Variants in TLN2 observed in about 807,000 individuals in gnomAD.
TLN2 encodes talin-2.
A neutral mutation model predicts 294.7 loss-of-function variants in TLN2; 118 were observed. The observed-to-expected ratio is 0.40, with a 90% confidence interval of 0.34 to 0.47. TLN2 has a LOEUF of 0.47. Ranked by LOEUF, TLN2 falls within the 20% of genes least tolerant of loss-of-function variation. The pLI, the probability that TLN2 is intolerant of heterozygous loss-of-function variation, is 0.84. For synonymous variants in TLN2, 1,431 were observed against 1,304.5 expected, an observed-to-expected ratio of 1.10 and a Z score of -2.09; for missense variants, 3,083 against 3,282.2, an observed-to-expected ratio of 0.94 and a Z score of 1.48.
At chr15:62,465,104 G>GTTTTTTT (rs57890839) in intron 1 of TLN2, among the ~76,000 whole-genome samples, 2 of 85,514 alleles carry the variant, frequency 2.3e-5, no homozygotes, top group East Asian at 4.1e-4. Flanking sequence ...TGGTGAGCGC[G>GTTTTTTT]TTTTTTTTTT....
intron 51 of TLN2, among the ~76,000 whole-genome samples, chr15:62,808,619 G>A (rs1005911545): frequency 5.3e-5 from 8 of 152,182 alleles, no homozygotes; most frequent in African/African-American, 1.9e-4. Context: ...CCCTACACAC[G>A]GGCTTGCACA....
intron 37 of TLN2, among the ~76,000 whole-genome samples, chr15:62,757,499 A>T (rs947997240): frequency 6.6e-6 from 1 of 151,810 alleles, no homozygotes; most frequent in Non-Finnish European, 1.5e-5. Flanking sequence ...CAGGAAAGAC[A>T]CTCTTTATTC....
intron 14 of TLN2, among the ~76,000 whole-genome samples, chr15:62,697,411 G>GT (rs1459034765): frequency 6.6e-6 from 1 of 152,130 alleles, no homozygotes; most frequent in African/African-American, 2.4e-5. Context: ...ACCCGGCCTT[G>GT]TTTTTTAAAT....
intron 28 of TLN2, among the ~76,000 whole-genome samples, chr15:62,733,470 C>T (rs543222094): frequency 6.6e-6 from 1 of 152,312 alleles, no homozygotes; most frequent in Non-Finnish European, 1.5e-5. Context: ...TATTCTAATG[C>T]AAGTGTGTTT....
chr15:62,402,954 ACAG>A (rs2033136176), intron 1 of TLN2, among the ~76,000 whole-genome samples: 1 of 152,190 alleles, frequency 6.6e-6, no homozygotes, highest in African/African-American at 2.4e-5. Context: ...AAGGAAAAAA[ACAG>A]CAGGCTGGGT....
Position 62,656,101 on chromosome 15 carries a change from G to A in TLN2, c.660+15G>A, listed in dbSNP as rs1367076655. 6.2e-7 allele frequency: 1 copy of A among 1,611,208 alleles called. No individual in the cohort carries two copies. Among genetic ancestry groups the A allele is most frequent in the African/African-American group, 1.3e-5 (1 of 74,874 alleles). On this transcript the variant is annotated intron_variant, in intron 8 of 58. Coordinates refer to ENST00000636159, the MANE Select transcript of TLN2 (RefSeq NM_015059.3). ...TTTATGTTCAGGTACAGTATTTACT[G>A]CTCAGACACTGAGGTTGGTGAGATT...
At chr15:62,423,571 T>C (rs768867711) in intron 1 of TLN2, among the ~76,000 whole-genome samples, 22 of 152,022 alleles carry the variant, frequency 1.4e-4, no homozygotes, top group Non-Finnish European at 2.8e-4. Flanking sequence ...TCCCCACCTA[T>C]ACTGATGAAA....
chr15:62,403,034 T>G (rs1471031725), intron 1 of TLN2, among the ~76,000 whole-genome samples: 1 of 152,060 alleles, frequency 6.6e-6, no homozygotes, highest in Admixed American at 6.6e-5. Context: ...GGTCTGGAGT[T>G]GGAGACCAGC....
intron 39 of TLN2, 92 bp from the exon 40 acceptor site, chr15:62,763,471 A>G (rs760023631): frequency 1.1e-4 from 158 of 1,480,518 alleles, no homozygotes; most frequent in Non-Finnish European, 1.3e-4. Context: ...TCAGGGAGGA[A>G]GTGGACAGGG....
chr15:62,514,917 T>C (rs1219894131), intron 1 of TLN2, among the ~76,000 whole-genome samples: 1 of 152,158 alleles, frequency 6.6e-6, no homozygotes, highest in African/African-American at 2.4e-5. Context: ...TAAAAAAATA[T>C]AACTCACTTA....
intron 1 of TLN2, among the ~76,000 whole-genome samples, chr15:62,445,744 C>A (rs953193952): frequency 6.6e-6 from 1 of 151,796 alleles, no homozygotes; most frequent in Non-Finnish European, 1.5e-5. Context: ...GTTCACTGCA[C>A]CCTCGACTTC....
chr15:62,786,585 C>T (rs138038922), intron 45 of TLN2, among the ~76,000 whole-genome samples: 66 of 152,238 alleles, frequency 4.3e-4, no homozygotes, highest in African/African-American at 1.5e-3. Context: ...AAAGATTTAG[C>T]GACAACAGCT....
chr15:62,513,562 C>A (rs891123741), intron 1 of TLN2, among the ~76,000 whole-genome samples: 2 of 152,180 alleles, frequency 1.3e-5, no homozygotes, highest in Non-Finnish European at 2.9e-5. Flanking sequence ...CCTTGTAGAC[C>A]TTTACCTTTT....
intron 3 of TLN2, among the ~76,000 whole-genome samples, chr15:62,645,550 G>A (rs1480425869): frequency 6.6e-6 from 1 of 152,192 alleles, no homozygotes; most frequent in Admixed American, 6.5e-5. Context: ...AACATCTCCT[G>A]TATCCATGTG....
chr15:62,433,673 G>A (rs1595792818), intron 1 of TLN2, among the ~76,000 whole-genome samples: 2 of 152,022 alleles, frequency 1.3e-5, no homozygotes, highest in African/African-American at 4.8e-5. Context: ...CCCTGTTCTG[G>A]TGTAAGGGAT....
At chr15:62,637,169 T>G (rs1422276963) in intron 3 of TLN2, 2 of 152,228 alleles carry the variant, frequency 1.3e-5, no homozygotes, top group South Asian at 2.1e-4. Context: ...AAATAATTCA[T>G]AGTTCACCTG....
At chr15:62,504,194 G>T (rs978495619) in intron 1 of TLN2, among the ~76,000 whole-genome samples, 16 of 152,166 alleles carry the variant, frequency 1.1e-4, no homozygotes, top group African/African-American at 3.9e-4. Flanking sequence ...AAAGGAAACA[G>T]ATACCGTTTT....
intron 58 of TLN2, 90 bp downstream of exon 58, chr15:62,839,071 G>A: frequency 6.6e-7 from 1 of 1,505,024 alleles, no homozygotes; most frequent in Non-Finnish European, 9.0e-7. Flanking sequence ...CAAGATGAAA[G>A]TTTATTTCTT....
At chr15:62,434,489 G>A (rs1055517369) in intron 1 of TLN2, among the ~76,000 whole-genome samples, 16 of 152,008 alleles carry the variant, frequency 1.1e-4, no homozygotes, top group African/African-American at 3.1e-4. Flanking sequence ...GCATGCGCGC[G>A]CTCTTTCCCT....
Sources: allele counts gnomAD v4.1 joint callset (sites outside exome capture counted in the v4.1 genomes callset), GRCh38; gene constraint gnomAD v4.1.1; transcripts MANE v1.5; gene names NCBI Gene and HGNC (gene_info 2026-07-23, HGNC 2026-07-21).